NRXN3: variants seen among roughly 807,000 people sequenced by gnomAD.
NRXN3 encodes neurexin 3.
In NRXN3, 32 loss-of-function variants were observed where a neutral mutation model predicts 137.6. The ratio of observed to expected loss-of-function variants is 0.23; its 90% CI spans 0.18 to 0.31. NRXN3 has a LOEUF of 0.31. NRXN3 is among the 10% of genes least tolerant of loss of function. NRXN3 has a pLI of 1.00. For synonymous variants in NRXN3, 798 were observed against 784.5 expected (o/e 1.02, Z -0.29); for missense variants, 1,574 against 2,062.5 (o/e 0.76, Z 4.59).
intron 15 of NRXN3, chr14:79,248,544 G>A (rs1016836998): frequency 5.9e-5 from 9 of 151,924 alleles, no homozygotes; most frequent in Non-Finnish European, 1.3e-4. Flanking sequence ...TGTCCCCATG[G>A]GACTTCTTTA....
At chr14:79,208,824 G>C (rs1198382419) in intron 15 of NRXN3, among the ~76,000 whole-genome samples, 1 of 152,182 alleles carries the variant, frequency 6.6e-6, no homozygotes, top group African/African-American at 2.4e-5. Context: ...AGAATTGCCA[G>C]TGTAAGAGTA....
intron 6 of NRXN3, among the ~76,000 whole-genome samples, chr14:78,700,465 C>T (rs1197564502): frequency 1.3e-5 from 2 of 152,100 alleles, no homozygotes; most frequent in Non-Finnish European, 2.9e-5. Flanking sequence ...ACATATTTGC[C>T]AACATGGCTC....
chr14:79,472,848 A>G (rs180825581), intron 16 of NRXN3, among the ~76,000 whole-genome samples: 1 of 152,316 alleles, frequency 6.6e-6, no homozygotes, highest in African/African-American at 2.4e-5. Context: ...TGTTATTACT[A>G]TCATGAAACT....
intron 16 of NRXN3, among the ~76,000 whole-genome samples, chr14:79,484,047 T>A (rs568669448): frequency 6.6e-6 from 1 of 152,286 alleles, no homozygotes; most frequent in South Asian, 2.1e-4. Flanking sequence ...GGAGACTTTC[T>A]GTTGTTCCCA....
rs765523136 is a variant in NRXN3, at chr14:78,762,489, GA to G, written c.2045-41130del. On this transcript the variant is annotated intron_variant, in intron 8 of 20. Coordinates refer to ENST00000335750, the MANE Select transcript of NRXN3 (RefSeq NM_001330195.2). ...TTCCTCACTCATAATATGAAACTGA[GA>G]GTAGTACTGACTGTATATTTTTGTA... 2.0e-5 allele frequency among the ~76,000 whole-genome samples: 3 copies of G among 152,140 alleles called. No homozygotes were observed. The East Asian group carries it at 5.8e-4, about 29-fold the overall frequency.
At chr14:78,531,687 A>C (rs1412793329) in intron 4 of NRXN3, among the ~76,000 whole-genome samples, 1 of 152,122 alleles carries the variant, frequency 6.6e-6, no homozygotes, top group Admixed American at 6.5e-5. Flanking sequence ...GGGACCCTCC[A>C]TGAGATTGGA....
chr14:79,146,464 A>G (rs2059311043), intron 15 of NRXN3, among the ~76,000 whole-genome samples: 1 of 152,150 alleles, frequency 6.6e-6, no homozygotes, highest in Non-Finnish European at 1.5e-5. Context: ...CTTTATTTTC[A>G]TTTTAGATAA....
intron 20 of NRXN3, among the ~76,000 whole-genome samples, chr14:79,841,827 G>C (rs1377696772): frequency 1.3e-5 from 2 of 152,190 alleles, no homozygotes; most frequent in Non-Finnish European, 2.9e-5. Flanking sequence ...TTTTTTCAGA[G>C]AGTTTCTTAA....
At chr14:79,320,466 G>A (rs557876595) in intron 15 of NRXN3, among the ~76,000 whole-genome samples, 7 of 152,232 alleles carry the variant, frequency 4.6e-5, no homozygotes, top group South Asian at 2.1e-4. Flanking sequence ...AGATGATACC[G>A]CTATTGGAAA....
chr14:78,945,718 C>T (rs1030458206), intron 10 of NRXN3, among the ~76,000 whole-genome samples: 1 of 152,192 alleles, frequency 6.6e-6, no homozygotes, highest in Non-Finnish European at 1.5e-5. Flanking sequence ...GTAACAGATG[C>T]CTCCCTGGAA....
intron 15 of NRXN3, among the ~76,000 whole-genome samples, chr14:79,163,573 T>C (rs2153071681): frequency 6.6e-6 from 1 of 152,074 alleles, no homozygotes; most frequent in African/African-American, 2.4e-5. Context: ...AAGTTTGAAT[T>C]CCTTCTTGTC....
At chr14:78,658,981 G>A (rs1011641981) in intron 6 of NRXN3, among the ~76,000 whole-genome samples, 3 of 152,190 alleles carry the variant, frequency 2.0e-5, no homozygotes, top group African/African-American at 7.2e-5. Flanking sequence ...CTATTGGCTT[G>A]TCATGGGCTG....
chr14:79,463,196 A>G (rs1377734383), intron 15 of NRXN3, among the ~76,000 whole-genome samples: 2 of 152,168 alleles, frequency 1.3e-5, no homozygotes, highest in Non-Finnish European at 2.9e-5. Context: ...AGAACCTTGG[A>G]GAAATATGTG....
intron 16 of NRXN3, among the ~76,000 whole-genome samples, chr14:79,599,582 C>T (rs2097900571): frequency 6.6e-6 from 1 of 152,180 alleles, no homozygotes; most frequent in Non-Finnish European, 1.5e-5. Flanking sequence ...TTACCTGATA[C>T]CATCTATTTC....
At chr14:79,768,588 A>G (rs530711307) in intron 19 of NRXN3, among the ~76,000 whole-genome samples, 6 of 152,332 alleles carry the variant, frequency 3.9e-5, no homozygotes, top group African/African-American at 1.4e-4. Flanking sequence ...AAAACTAACA[A>G]ACAGAAAGGA....
rs111446210 is a variant in NRXN3, at chr14:78,550,436, G to C, written c.758-94684G>C. Among the ~76,000 whole-genome samples the C allele has an allele frequency of 1.8e-4, 28 of 151,992 alleles. 1 individual carries two copies. The highest frequency in any genetic ancestry group is 6.0e-4 in the African/African-American group (25 of 41,444). On this transcript the variant is annotated intron_variant, in intron 4 of 20. Transcript: ENST00000335750. Reference sequence around the variant, plus strand: ...CAATATGGGAGTTGGTGCCCTAAAAGTGACTACCTCCTAAAATCACTCACA... The same window carrying C: ...CAATATGGGAGTTGGTGCCCTAAAACTGACTACCTCCTAAAATCACTCACA...
At chr14:78,676,502 G>C (rs925034691) in intron 6 of NRXN3, among the ~76,000 whole-genome samples, 1 of 152,024 alleles carries the variant, frequency 6.6e-6, no homozygotes, top group Admixed American at 6.6e-5. Context: ...GAGAGGTGAG[G>C]AAGCTGCAGA....
chr14:79,068,272 T>C (rs1449299286), intron 15 of NRXN3, among the ~76,000 whole-genome samples: 1 of 152,084 alleles, frequency 6.6e-6, no homozygotes, highest in Non-Finnish European at 1.5e-5. Context: ...AAAGAATACT[T>C]TAACTTTAAA....
chr14:78,652,922 G>T (rs1031686016), intron 6 of NRXN3, among the ~76,000 whole-genome samples: 1 of 152,204 alleles, frequency 6.6e-6, no homozygotes, highest in Admixed American at 6.5e-5. Context: ...GAGTACATGT[G>T]TTCAGTGGCA....
Sources: gnomAD v4.1 joint callset for allele counts (sites outside exome capture counted in the v4.1 genomes callset) on GRCh38, gnomAD v4.1.1 for gene constraint, MANE v1.5 for transcripts, NCBI Gene and HGNC (gene_info 2026-07-23, HGNC 2026-07-21) for gene names.